Variants in RAPGEF4 observed in about 807,000 individuals in gnomAD.
The protein encoded by RAPGEF4 is RAP guanine-nucleotide-exchange factor (GEF) 4.
In RAPGEF4, 66 loss-of-function variants were observed where a neutral mutation model predicts 147.9. The ratio of observed to expected loss-of-function variants is 0.45; its 90% CI spans 0.37 to 0.55. RAPGEF4 has a LOEUF of 0.55. Among genes scored for constraint, RAPGEF4 ranks in the 20% least tolerant of loss-of-function variants. The probability of loss-of-function intolerance (pLI) is 0.00; values close to 1 mark genes in which losing one functional copy is unlikely to be tolerated. For synonymous variants in RAPGEF4, 419 were observed against 442.7 expected (o/e 0.95, Z 0.67); for missense variants, 1,071 against 1,257.3 (o/e 0.85, Z 2.24).
At chr2:172,856,961 A>G (rs1048667762) in intron 4 of RAPGEF4, among the ~76,000 whole-genome samples, 11 of 147,228 alleles carry the variant, frequency 7.5e-5, no homozygotes, top group Admixed American at 6.8e-4. Context: ...TCTAAGTGTC[A>G]GCACCCACCC....
chr2:172,738,128 G>A (rs1335820804), intron 1 of RAPGEF4, among the ~76,000 whole-genome samples: 2 of 152,198 alleles, frequency 1.3e-5, no homozygotes, highest in Non-Finnish European at 2.9e-5. Flanking sequence ...AAGGAGAAAG[G>A]TTGAGAGTGT....
At chr2:172,892,609 T>C (rs1461749805) in intron 4 of RAPGEF4, among the ~76,000 whole-genome samples, 1 of 152,252 alleles carries the variant, frequency 6.6e-6, no homozygotes, top group African/African-American at 2.4e-5. Context: ...TCTGCAGATA[T>C]GTGTCCCAGA....
chr2:172,865,009 G>A (rs1404672102), intron 4 of RAPGEF4, among the ~76,000 whole-genome samples: 1 of 152,190 alleles, frequency 6.6e-6, no homozygotes, highest in Non-Finnish European at 1.5e-5. Flanking sequence ...GCAGGTCTGT[G>A]CCTGCCCTTG....
At chr2:172,919,222 G>A (rs1484362117) in intron 5 of RAPGEF4, among the ~76,000 whole-genome samples, 1 of 152,150 alleles carries the variant, frequency 6.6e-6, no homozygotes, top group Non-Finnish European at 1.5e-5. Flanking sequence ...TCAGAGGGTT[G>A]TTGTGAAGAT....
intron 4 of RAPGEF4, among the ~76,000 whole-genome samples, chr2:172,913,289 C>T (rs765714071): frequency 2.0e-5 from 3 of 152,176 alleles, no homozygotes; most frequent in Non-Finnish European, 4.4e-5. Context: ...TGTTGTACCA[C>T]CACCTCACTT....
intron 1 of RAPGEF4, among the ~76,000 whole-genome samples, chr2:172,765,089 C>T (rs758231794): frequency 2.6e-5 from 4 of 152,214 alleles, no homozygotes; most frequent in Non-Finnish European, 5.9e-5. Context: ...TCTTCCTAGC[C>T]TCTGATGGTT....
intron 4 of RAPGEF4, among the ~76,000 whole-genome samples, chr2:172,826,703 A>G (rs762045392): frequency 9.9e-5 from 15 of 152,212 alleles, no homozygotes; most frequent in Non-Finnish European, 2.1e-4. Context: ...TCGGTGACTC[A>G]TGCCTGTAAT....
At chr2:172,801,546 A>C (rs1459182282) in intron 3 of RAPGEF4, among the ~76,000 whole-genome samples, 1 of 152,114 alleles carries the variant, frequency 6.6e-6, no homozygotes, top group East Asian at 1.9e-4. Context: ...CTATGTGCCC[A>C]GTGTGTCACA....
At chr2:172,776,936 T>A (rs904066414) in intron 1 of RAPGEF4, among the ~76,000 whole-genome samples, 2 of 152,254 alleles carry the variant, frequency 1.3e-5, no homozygotes, top group African/African-American at 2.4e-5. Context: ...TTTTTACTGA[T>A]TATTTTTCTG....
At chr2:172,965,391 A>G (rs1689720669) in intron 8 of RAPGEF4, 171 bp from the exon 9 acceptor site, 4 of 745,656 alleles carry the variant, frequency 5.4e-6, no homozygotes, top group Middle Eastern at 4.0e-4. Flanking sequence ...TTTGGCTTGT[A>G]TTAGCATTTG....
At chr2:172,963,991 C>T (rs1209604475) in intron 8 of RAPGEF4, among the ~76,000 whole-genome samples, 12 of 152,184 alleles carry the variant, frequency 7.9e-5, no homozygotes, top group Admixed American at 7.9e-4. Context: ...TTTGTAAGGA[C>T]TCATCAGACG....
At chr2:173,000,912 G>A (rs1693849865) in intron 16 of RAPGEF4, among the ~76,000 whole-genome samples, 1 of 151,928 alleles carries the variant, frequency 6.6e-6, no homozygotes, top group Non-Finnish European at 1.5e-5. Flanking sequence ...AAACAAATAC[G>A]GTATAGACAA....
rs570413372 is a variant in RAPGEF4, at chr2:172,875,127, T to A, written c.445-42675T>A. Among the ~76,000 whole-genome samples the A allele has an allele frequency of 1.4e-4, 21 of 152,280 alleles. 1 individual carries two copies. In the Middle Eastern group the frequency reaches 0.01, roughly 74 times the overall value. On this transcript the variant is annotated intron_variant, in intron 4 of 30. Coordinates refer to ENST00000397081, the MANE Select transcript of RAPGEF4 (RefSeq NM_007023.4). The stretch of plus-strand genomic sequence containing the variant: ...TTTTCTTGTAAATTTGTTTGAGTTC[T>A]TTGTAGATTCTGGATATTAGCCCTT...
At chr2:172,780,471 A>T (rs4972856) in intron 1 of RAPGEF4, among the ~76,000 whole-genome samples, 1 of 152,226 alleles carries the variant, frequency 6.6e-6, no homozygotes, top group South Asian at 2.1e-4. Context: ...TAAAGATCTA[A>T]AGTCATTTCC....
chr2:172,861,105 C>T (rs985636425), intron 4 of RAPGEF4, among the ~76,000 whole-genome samples: 3 of 152,046 alleles, frequency 2.0e-5, no homozygotes, highest in African/African-American at 4.8e-5. Context: ...CTGAGATATC[C>T]TACATTTCCC....
intron 4 of RAPGEF4, among the ~76,000 whole-genome samples, chr2:172,858,898 G>A (rs1286159508): frequency 6.6e-6 from 1 of 152,106 alleles, no homozygotes; most frequent in Admixed American, 6.5e-5. Flanking sequence ...TCTGTTTTTG[G>A]GGGGTGCGGT....
intron 30 of RAPGEF4, among the ~76,000 whole-genome samples, chr2:173,051,331 T>G (rs1237854929): frequency 6.6e-6 from 1 of 152,188 alleles, no homozygotes; most frequent in Admixed American, 6.5e-5. Flanking sequence ...AGGGAAACAA[T>G]TTTAATCTAT....
In RAPGEF4 at chr2:173,042,560, T is replaced by C. The variant is rs373914774; in HGVS notation, c.2853+5868T>C. ...ATTGCTTGAACCCAGGTGGCAGAGG[T>C]TGCAGTGAGCCGAGATCGTGCCACT... is the stretch of plus-strand genomic sequence containing the variant. On this transcript the variant is annotated intron_variant, in intron 29 of 30. Transcript: ENST00000397081. This position sits in a 1 kb window ranked among gnomAD's most constrained non-coding sequence, Gnocchi z 4.2. Among the ~76,000 whole-genome samples the C allele has an allele frequency of 3.3e-5, 5 of 151,916 alleles. No homozygotes were observed. Among genetic ancestry groups the C allele is most frequent in the African/African-American group, 1.2e-4 (5 of 41,330 alleles).
intron 4 of RAPGEF4, among the ~76,000 whole-genome samples, chr2:172,890,921 G>A (rs1697829830): frequency 6.6e-6 from 1 of 152,194 alleles, no homozygotes; most frequent in African/African-American, 2.4e-5. Flanking sequence ...CTTGAGGCCA[G>A]GAGTTCGAGA....
Sources: allele counts gnomAD v4.1 joint callset (sites outside exome capture counted in the v4.1 genomes callset), GRCh38; gene constraint gnomAD v4.1.1; non-coding constraint Gnocchi (gnomAD v3.1); transcripts MANE v1.5; gene names NCBI Gene and HGNC (gene_info 2026-07-23, HGNC 2026-07-21).